CFAP61: variants seen among roughly 807,000 people sequenced by gnomAD.
CFAP61 encodes the protein cilia- and flagella-associated protein 61.
A neutral mutation model predicts 135.6 loss-of-function variants in CFAP61; 107 were observed. That is an observed-to-expected ratio of 0.79 (90% CI 0.67 to 0.93). The LOEUF is 0.93. Ranked by LOEUF, CFAP61 falls within the 40% of genes least tolerant of loss-of-function variation. The probability of loss-of-function intolerance (pLI) is 0.00; values close to 1 mark genes in which losing one functional copy is unlikely to be tolerated. For missense variants in CFAP61, 1,507 were observed against 1,556.2 expected (o/e 0.97, Z 0.53); for synonymous variants, 575 against 578.5 (o/e 0.99, Z 0.09).
chr20:20,093,761 A>G (rs1384337325), intron 7 of CFAP61, among the ~76,000 whole-genome samples: 3 of 152,274 alleles, frequency 2.0e-5, no homozygotes, highest in African/African-American at 7.2e-5. Context: ...TTTTTATGGT[A>G]GGTGAATTAT....
At chr20:20,116,750 C>T (rs1288676734) in intron 8 of CFAP61, among the ~76,000 whole-genome samples, 2 of 152,068 alleles carry the variant, frequency 1.3e-5, no homozygotes, top group African/African-American at 4.8e-5. Flanking sequence ...CTTTCTCTCC[C>T]CCACCCCTCT....
At chr20:20,091,909 T>TGACCTCAGGTGATCCGCCC (rs1437296021) in intron 7 of CFAP61, among the ~76,000 whole-genome samples, 1 of 152,152 alleles carries the variant, frequency 6.6e-6, no homozygotes, top group East Asian at 1.9e-4. Flanking sequence ...GGTGAACTCC[T>TGACCTCAGGTGATCCGCCC]GACCTCAGGT....
At chr20:20,181,666 C>T (rs770339122) in intron 13 of CFAP61, among the ~76,000 whole-genome samples, 1 of 152,072 alleles carries the variant, frequency 6.6e-6, no homozygotes, top group African/African-American at 2.4e-5. Flanking sequence ...GGAAGCCCTC[C>T]GGAGACCTTG....
chr20:20,349,631 A>G (rs1021857070), intron 26 of CFAP61, among the ~76,000 whole-genome samples: 9 of 152,354 alleles, frequency 5.9e-5, no homozygotes, highest in African/African-American at 2.2e-4. Flanking sequence ...GAAGAAAACA[A>G]TTATAGTTAT....
At chr20:20,296,416 T>TCA in intron 24 of CFAP61, among the ~76,000 whole-genome samples, 1 of 125,510 alleles carries the variant, frequency 8.0e-6, no homozygotes, top group Non-Finnish European at 1.7e-5. Flanking sequence ...CTTTCTTTCT[T>TCA]TTCTTTCTTC....
At chr20:20,106,493 G>A (rs1278982734) in intron 8 of CFAP61, among the ~76,000 whole-genome samples, 1 of 152,204 alleles carries the variant, frequency 6.6e-6, no homozygotes, top group Non-Finnish European at 1.5e-5. Flanking sequence ...TGATATCACA[G>A]CCTTGTTCTC....
At chr20:20,230,800 C>A (rs1436972137) in intron 18 of CFAP61, among the ~76,000 whole-genome samples, 1 of 152,174 alleles carries the variant, frequency 6.6e-6, no homozygotes, top group Non-Finnish European at 1.5e-5. Context: ...AAGTGACCTG[C>A]CCGCCTTGGC....
intron 17 of CFAP61, among the ~76,000 whole-genome samples, chr20:20,200,242 A>G (rs1015698413): frequency 1.3e-5 from 2 of 152,164 alleles, no homozygotes; most frequent in Admixed American, 1.3e-4. Flanking sequence ...CCCCCTTTCA[A>G]TGATGTTTTG....
At chr20:20,360,149 C>T in intron 26 of CFAP61, 61 bp from the exon 27 acceptor site, 1 of 1,224,270 alleles carries the variant, frequency 8.2e-7, no homozygotes, top group Non-Finnish European at 1.2e-6. Flanking sequence ...CATGAAACTG[C>T]CGTTACAACT....
At position 20,159,258 on chromosome 20, in the gene CFAP61, G is replaced by T. The variant is rs537204694; in HGVS notation, c.952-112G>T. On this transcript the variant is annotated intron_variant, in intron 9 of 26. Transcript: ENST00000245957. ...TACATAATTTTCCCAATGCCACAAG[G>T]CCAGTAAGCTGTAGAGCCAGGGTCT... 3.3e-6 allele frequency: 3 copies of T among 909,518 alleles called. No homozygotes were observed. In the African/African-American group the frequency reaches 4.9e-5, roughly 15 times the overall value. The allele number at this position is 909,518 out of a possible 1,614,324, so 56.3% of individuals were successfully genotyped here.
chr20:20,337,933 C>T (rs763566495), intron 25 of CFAP61, among the ~76,000 whole-genome samples: 2 of 152,124 alleles, frequency 1.3e-5, no homozygotes, highest in African/African-American at 2.4e-5. Context: ...AGCTGCCACA[C>T]GAAAATGAGG....
chr20:20,266,326 G>C (rs1258791052), intron 21 of CFAP61, among the ~76,000 whole-genome samples: 1 of 152,190 alleles, frequency 6.6e-6, no homozygotes, highest in African/African-American at 2.4e-5. Context: ...ATTTTGAAAA[G>C]AATATAGCTG....
At chr20:20,114,376 A>G (rs901795476) in intron 8 of CFAP61, among the ~76,000 whole-genome samples, 6 of 152,250 alleles carry the variant, frequency 3.9e-5, no homozygotes, top group Non-Finnish European at 7.3e-5. Flanking sequence ...TTTATAATAT[A>G]TTAAGCCTCC....
intron 18 of CFAP61, among the ~76,000 whole-genome samples, chr20:20,243,332 G>T (rs1020238524): frequency 3.3e-5 from 5 of 152,180 alleles, no homozygotes; most frequent in Non-Finnish European, 7.3e-5. Flanking sequence ...AGATTTGGGT[G>T]GAGACACAGA....
intron 24 of CFAP61, among the ~76,000 whole-genome samples, chr20:20,296,326 C>CCTTCCTTCCCT (rs1569260658): frequency 2.9e-5 from 1 of 34,684 alleles, no homozygotes; most frequent in African/African-American, 1.1e-4. Flanking sequence ...CTCCTTCCTT[C>CCTTCCTTCCCT]CCTTCCTTCC....
intron 22 of CFAP61, among the ~76,000 whole-genome samples, chr20:20,281,006 A>G (rs1601794666): frequency 6.6e-6 from 1 of 151,958 alleles, no homozygotes; most frequent in African/African-American, 2.4e-5. Context: ...AGCCATTAGT[A>G]TTTCTCCTTT....
chr20:20,224,333 G>A (rs944034277), intron 17 of CFAP61, among the ~76,000 whole-genome samples: 7 of 151,794 alleles, frequency 4.6e-5, no homozygotes, highest in African/African-American at 9.7e-5. Flanking sequence ...TCTGACCTCC[G>A]AATCTTCCAC....
chr20:20,127,519 C>G (rs2050157110), intron 8 of CFAP61, among the ~76,000 whole-genome samples: 1 of 151,542 alleles, frequency 6.6e-6, no homozygotes, highest in Non-Finnish European at 1.5e-5. Flanking sequence ...GCAAGTCTAC[C>G]CAGCTCTGGG....
intron 18 of CFAP61, among the ~76,000 whole-genome samples, chr20:20,235,446 G>A (rs2049511300): frequency 6.6e-6 from 1 of 151,990 alleles, no homozygotes. Flanking sequence ...CCAGCAATGT[G>A]TGTCTTCACG....
Sources: allele counts gnomAD v4.1 joint callset (sites outside exome capture counted in the v4.1 genomes callset), GRCh38; gene constraint gnomAD v4.1.1; transcripts MANE v1.5; gene names NCBI Gene and HGNC (gene_info 2026-07-23, HGNC 2026-07-21).